The following ENTHD1 variants were observed in gnomAD, a reference collection of about 807,000 sequenced individuals.
ENTHD1 encodes ENTH domain-containing protein 1.
A neutral mutation model predicts 39.1 loss-of-function variants in ENTHD1; 23 were observed. That is an observed-to-expected ratio of 0.59 (90% CI 0.42 to 0.83). ENTHD1 has a LOEUF of 0.83. Ranked by LOEUF, ENTHD1 falls within the 40% of genes least tolerant of loss-of-function variation. The pLI is 0.00. For missense variants in ENTHD1, 624 were observed against 705.4 expected (o/e 0.88, Z 1.31); for synonymous variants, 230 against 258.2 (o/e 0.89, Z 1.05).
chr22:39,876,174 T>C lies in ENTHD1; in HGVS notation c.349+11226A>G, dbSNP rs1030093058. 24 of 1,492,044 alleles carry C rather than the reference T, an allele frequency of 1.6e-5. No individual in the cohort carries two copies. The Middle Eastern group carries it at 5.6e-4, about 35-fold the overall frequency. The allele number at this position is 1,492,044 out of a possible 1,614,324, so 92.4% of individuals were successfully genotyped here. A position where few individuals can be genotyped will look rare whatever the true frequency, so the allele number is the denominator to read the frequency against. On this transcript the variant is annotated intron_variant, in intron 2 of 6. Coordinates refer to ENST00000325157, the MANE Select transcript of ENTHD1 (RefSeq NM_152512.4). ...CTTTATGTCACCTCAGGAGACTTATTTGAGAGGAAGCCTTCTGTACTTGAA... is the reference window on the plus strand; with the variant it reads ...CTTTATGTCACCTCAGGAGACTTATCTGAGAGGAAGCCTTCTGTACTTGAA...
At chr22:39,822,996 T>C (rs2065795026) in intron 4 of ENTHD1, among the ~76,000 whole-genome samples, 1 of 152,202 alleles carries the variant, frequency 6.6e-6, no homozygotes, top group South Asian at 2.1e-4. Flanking sequence ...TCTATCACAA[T>C]CACAAGAATC....
chr22:39,834,721 C>T (rs752468021), intron 4 of ENTHD1, among the ~76,000 whole-genome samples: 12 of 151,970 alleles, frequency 7.9e-5, no homozygotes, highest in African/African-American at 1.9e-4. Context: ...AGGAAACATC[C>T]GAATATTCTT....
chr22:39,843,504 A>G (rs2065962853), intron 3 of ENTHD1, among the ~76,000 whole-genome samples: 1 of 151,804 alleles, frequency 6.6e-6, no homozygotes, highest in Non-Finnish European at 1.5e-5. Flanking sequence ...AGATATACTT[A>G]ATGCTAGATG....
chr22:39,852,640 G>A (rs1423556021), intron 3 of ENTHD1, among the ~76,000 whole-genome samples: 8 of 152,164 alleles, frequency 5.3e-5, no homozygotes. Flanking sequence ...CAATGAACTT[G>A]TATAGCATAT....
chr22:39,754,313 T>A (rs1288180468), intron 6 of ENTHD1, among the ~76,000 whole-genome samples: 2 of 152,264 alleles, frequency 1.3e-5, no homozygotes, highest in Non-Finnish European at 2.9e-5. Context: ...TTTTCATTCC[T>A]GTGCCCAGGC....
intron 5 of ENTHD1, among the ~76,000 whole-genome samples, chr22:39,795,336 C>A (rs1199968788): frequency 6.6e-6 from 1 of 151,992 alleles, no homozygotes; most frequent in Non-Finnish European, 1.5e-5. Context: ...GGAGAACTGG[C>A]GTTAGTTCTT....
chr22:39,804,361 C>T (rs1424658400), intron 5 of ENTHD1, among the ~76,000 whole-genome samples: 1 of 150,812 alleles, frequency 6.6e-6, no homozygotes, highest in Non-Finnish European at 1.5e-5. Context: ...TGGCACATGC[C>T]TCTAGTCCCA....
intron 5 of ENTHD1, among the ~76,000 whole-genome samples, chr22:39,793,944 C>T (rs1294412717): frequency 6.6e-6 from 1 of 152,162 alleles, no homozygotes; most frequent in Non-Finnish European, 1.5e-5. Context: ...GCTATTTGGA[C>T]TCTTGTTTGG....
intron 2 of ENTHD1, chr22:39,875,294 C>A: frequency 8.3e-7 from 1 of 1,211,762 alleles, no homozygotes; most frequent in Non-Finnish European, 1.0e-6. Flanking sequence ...TAAAGAAATT[C>A]GGTCGGTCGC....
rs114941298 is a variant in ENTHD1 at position 39,867,525 on chromosome 22, C to T, written c.350-5518G>A. On this transcript the variant is annotated intron_variant, in intron 2 of 6. Transcript: ENST00000325157. This position sits in a 1 kb window ranked among gnomAD's most constrained non-coding sequence, Gnocchi z 4.5. Reference sequence around the variant, plus strand: ...TCTATTGACTATACCCACTAATTATCTTCCAAATCCATTCTCTCCTCTTCA... The same window carrying T: ...TCTATTGACTATACCCACTAATTATTTTCCAAATCCATTCTCTCCTCTTCA... Among the ~76,000 whole-genome samples, 427 of 152,254 alleles carry T rather than the reference C, an allele frequency of 2.8e-3. 3 individuals are homozygous for T. Among genetic ancestry groups the T allele is most frequent in the African/African-American group, 9.9e-3 (412 of 41,548 alleles).
rs547836597 is a variant in ENTHD1, at chr22:39,817,245, T to TC, written c.832+3747dup. ...TGGGCACAAATTATGACCAAGAGAA[T>TC]CCATTTCTAGGAGCACATCCTAAAG... On this transcript the variant is annotated intron_variant, in intron 5 of 6. Coordinates refer to ENST00000325157, the MANE Select transcript of ENTHD1 (RefSeq NM_152512.4). Among the ~76,000 whole-genome samples the TC allele has an allele frequency of 2.0e-4, 30 of 152,252 alleles. No individual in the cohort carries two copies. The South Asian group carries it at 5.2e-3, about 26-fold the overall frequency.
intron 2 of ENTHD1, among the ~76,000 whole-genome samples, chr22:39,865,783 C>G (rs2066177512): frequency 6.6e-6 from 1 of 152,200 alleles, no homozygotes; most frequent in Admixed American, 6.5e-5. Flanking sequence ...CTCTAAGTGA[C>G]AGAAACTCCA....
chr22:39,883,558 T>G (rs1383003798), intron 2 of ENTHD1, among the ~76,000 whole-genome samples: 1 of 151,860 alleles, frequency 6.6e-6, no homozygotes, highest in Non-Finnish European at 1.5e-5. Context: ...GGATGTCTGC[T>G]CTCAACACTT....
intron 3 of ENTHD1, among the ~76,000 whole-genome samples, chr22:39,848,941 A>C (rs2066013365): frequency 6.6e-6 from 1 of 152,196 alleles, no homozygotes; most frequent in Admixed American, 6.5e-5. Flanking sequence ...AAATTATCCG[A>C]GTATTATTTA....
chr22:39,749,082 A>G (rs1326590186), intron 6 of ENTHD1, among the ~76,000 whole-genome samples: 1 of 152,216 alleles, frequency 6.6e-6, no homozygotes, highest in Non-Finnish European at 1.5e-5. Context: ...CATAGGCTAC[A>G]TGATGCTTTT....
At chr22:39,817,634 G>A (rs1056882913) in intron 5 of ENTHD1, among the ~76,000 whole-genome samples, 1 of 152,080 alleles carries the variant, frequency 6.6e-6, no homozygotes, top group African/African-American at 2.4e-5. Flanking sequence ...GGGAGCTTTT[G>A]ACTTTCTCTG....
At chr22:39,869,077 CTG>C (rs1262597358) in intron 2 of ENTHD1, among the ~76,000 whole-genome samples, 2 of 152,180 alleles carry the variant, frequency 1.3e-5, no homozygotes, top group Non-Finnish European at 2.9e-5. Flanking sequence ...TCTCAAATAA[CTG>C]AGAACTGGAT....
At chr22:39,860,540 A>G (rs1052974935) in intron 3 of ENTHD1, among the ~76,000 whole-genome samples, 13 of 152,248 alleles carry the variant, frequency 8.5e-5, no homozygotes, top group African/African-American at 3.1e-4. Flanking sequence ...TCTCTCTCCA[A>G]TCCCAAGTGT....
intron 6 of ENTHD1, among the ~76,000 whole-genome samples, chr22:39,756,983 T>C (rs545531598): frequency 6.6e-6 from 1 of 151,026 alleles, no homozygotes; most frequent in Non-Finnish European, 1.5e-5. Flanking sequence ...TATTTCTATT[T>C]AAATGTAAGA....
Sources: gnomAD v4.1 joint callset for allele counts (sites outside exome capture counted in the v4.1 genomes callset) on GRCh38, gnomAD v4.1.1 for gene constraint, Gnocchi (gnomAD v3.1) non-coding constraint, MANE v1.5 for transcripts, NCBI Gene and HGNC (gene_info 2026-07-23, HGNC 2026-07-21) for gene names.